The following GRID2 variants were observed in gnomAD, a reference collection of about 807,000 sequenced individuals.
The protein encoded by GRID2 is glutamate ionotropic receptor delta type subunit 2.
A neutral mutation model predicts 114.8 loss-of-function variants in GRID2; 33 were observed. The ratio of observed to expected loss-of-function variants is 0.29; its 90% CI spans 0.22 to 0.38. The LOEUF is 0.38. Among genes scored for constraint, GRID2 ranks in the 10% least tolerant of loss-of-function variants. The pLI, the probability that GRID2 is intolerant of heterozygous loss-of-function variation, is 1.00. For missense variants in GRID2, 1,184 were observed against 1,257.7 expected, an observed-to-expected ratio of 0.94 and a Z score of 0.89; for synonymous variants, 505 against 449.9, an observed-to-expected ratio of 1.12 and a Z score of -1.55.
chr4:93,118,348 G>T (rs1733475072), intron 4 of GRID2, among the ~76,000 whole-genome samples: 1 of 152,058 alleles, frequency 6.6e-6, no homozygotes, highest in Non-Finnish European at 1.5e-5. Context: ...GAGTTGAAAG[G>T]TCCAGAATAT....
chr4:93,243,824 T>C (rs1376105745), intron 8 of GRID2, among the ~76,000 whole-genome samples: 1 of 152,096 alleles, frequency 6.6e-6, no homozygotes, highest in Admixed American at 6.6e-5. Flanking sequence ...TAGCAGATGG[T>C]ATATCAACAT....
chr4:93,021,178 C>T (rs1723248944), intron 2 of GRID2, among the ~76,000 whole-genome samples: 1 of 151,466 alleles, frequency 6.6e-6, no homozygotes, highest in Non-Finnish European at 1.5e-5. Context: ...ATATAAATGC[C>T]TGAAAAAATA....
intron 1 of GRID2, among the ~76,000 whole-genome samples, chr4:93,803,716 C>T (rs577113690): frequency 1.3e-5 from 2 of 150,868 alleles, no homozygotes; most frequent in East Asian, 1.9e-4. Context: ...TGTGAGACTT[C>T]GTCTCAAAAA....
At chr4:93,487,748 C>A (rs1041467503) in intron 11 of GRID2, among the ~76,000 whole-genome samples, 1 of 151,836 alleles carries the variant, frequency 6.6e-6, no homozygotes. Context: ...GGGTTATTTT[C>A]TTCTCCAGGA....
chr4:93,782,505 C>G (rs1392954170), intron 1 of GRID2, among the ~76,000 whole-genome samples: 1 of 152,088 alleles, frequency 6.6e-6, no homozygotes, highest in Non-Finnish European at 1.5e-5. Context: ...TAAGAGTACT[C>G]TAAGAGACTA....
chr4:93,060,395 G>T (rs1727671679), intron 2 of GRID2, among the ~76,000 whole-genome samples: 3 of 152,114 alleles, frequency 2.0e-5, no homozygotes. Flanking sequence ...TAAAGTATTT[G>T]TGTTTCCATG....
chr4:92,425,499 T>C (rs566735221), intron 1 of GRID2, among the ~76,000 whole-genome samples: 47 of 152,260 alleles, frequency 3.1e-4, no homozygotes, highest in Middle Eastern at 3.4e-3. Flanking sequence ...TAGCTGGATA[T>C]TTCATGAAAC....
chr4:92,836,280 G>T (rs1742454001), intron 2 of GRID2, among the ~76,000 whole-genome samples: 1 of 151,984 alleles, frequency 6.6e-6, no homozygotes, highest in Admixed American at 6.6e-5. Flanking sequence ...TAGCACAGTG[G>T]AAACTAAAGC....
chr4:92,696,461 T>C (rs1262656337), intron 2 of GRID2, among the ~76,000 whole-genome samples: 1 of 152,184 alleles, frequency 6.6e-6, no homozygotes, highest in Non-Finnish European at 1.5e-5. Context: ...GGAGTTAATT[T>C]TCCTTTTATT....
intron 1 of GRID2, among the ~76,000 whole-genome samples, chr4:92,510,931 G>T (rs537696091): frequency 1.3e-5 from 2 of 150,812 alleles, no homozygotes; most frequent in African/African-American, 2.4e-5. Flanking sequence ...AACCAGGAGC[G>T]TGATGTCTTA....
intron 11 of GRID2, among the ~76,000 whole-genome samples, chr4:93,483,176 T>A (rs1338763384): frequency 6.6e-6 from 1 of 151,996 alleles, no homozygotes; most frequent in Non-Finnish European, 1.5e-5. Context: ...TTTTCTACAT[T>A]GTGATTCTGT....
At chr4:93,726,477 T>C (rs1400015905) in intron 14 of GRID2, among the ~76,000 whole-genome samples, 2 of 152,374 alleles carry the variant, frequency 1.3e-5, no homozygotes, top group East Asian at 3.9e-4. Context: ...GGCTCTTTTT[T>C]GGTTCCATGT....
intron 1 of GRID2, among the ~76,000 whole-genome samples, chr4:93,805,180 C>T (rs1475843100): frequency 6.6e-6 from 1 of 152,174 alleles, no homozygotes; most frequent in African/African-American, 2.4e-5. Flanking sequence ...CTTTATGTAG[C>T]ACCAGTTCTA....
chr4:92,496,016 C>T (rs912802051), intron 1 of GRID2, among the ~76,000 whole-genome samples: 4 of 151,772 alleles, frequency 2.6e-5, no homozygotes, highest in Non-Finnish European at 4.4e-5. Context: ...ATTTGTATTT[C>T]CTCAAGACAG....
intron 2 of GRID2, among the ~76,000 whole-genome samples, chr4:92,957,610 A>G (rs542284001): frequency 6.6e-6 from 1 of 151,766 alleles, no homozygotes; most frequent in African/African-American, 2.4e-5. Flanking sequence ...TTTTTCTTCA[A>G]CTTTAACATT....
intron 4 of GRID2, among the ~76,000 whole-genome samples, chr4:93,199,924 T>G (rs1741891328): frequency 1.3e-5 from 2 of 152,208 alleles, no homozygotes; most frequent in African/African-American, 4.8e-5. Flanking sequence ...ACTCAGGTCA[T>G]GTACATGTTT....
chr4:92,952,035 C>T (rs1015080721), intron 2 of GRID2, among the ~76,000 whole-genome samples: 1 of 152,092 alleles, frequency 6.6e-6, no homozygotes, highest in African/African-American at 2.4e-5. Flanking sequence ...TGTCCCTTCA[C>T]ATATGTGCAA....
chr4:92,665,636 C>T (rs1462877703), intron 2 of GRID2, among the ~76,000 whole-genome samples: 1 of 150,368 alleles, frequency 6.7e-6, no homozygotes. Flanking sequence ...TCAGCTTTTG[C>T]TTATTTTAGA....
At chr4:92,728,892 T>G (rs1736189987) in intron 2 of GRID2, among the ~76,000 whole-genome samples, 1 of 152,058 alleles carries the variant, frequency 6.6e-6, no homozygotes, top group Non-Finnish European at 1.5e-5. Flanking sequence ...AAACTCACCT[T>G]AAGTCCTTTG....
Sources: gnomAD v4.1 joint callset for allele counts (sites outside exome capture counted in the v4.1 genomes callset) on GRCh38, gnomAD v4.1.1 for gene constraint, MANE v1.5 for transcripts, NCBI Gene and HGNC (gene_info 2026-07-23, HGNC 2026-07-21) for gene names.